The following ADGRL3 variants were observed in gnomAD, a reference collection of about 807,000 sequenced individuals.
ADGRL3 encodes the protein calcium-independent alpha-latrotoxin receptor 3.
In ADGRL3, 62 loss-of-function variants were observed where a neutral mutation model predicts 153.5. The ratio of observed to expected loss-of-function variants is 0.40; its 90% CI spans 0.33 to 0.50. ADGRL3 has a LOEUF of 0.50. Among genes scored for constraint, ADGRL3 ranks in the 20% least tolerant of loss-of-function variants. The pLI is 0.47. For missense variants in ADGRL3, 1,641 were observed against 1,859.4 expected, an observed-to-expected ratio of 0.88 and a Z score of 2.16; for synonymous variants, 710 against 672.5, an observed-to-expected ratio of 1.06 and a Z score of -0.86.
In ADGRL3 at chr4:61,410,670, C is replaced by T. The variant is rs180908276; in HGVS notation, c.-174+27481C>T. The stretch of plus-strand genomic sequence containing the variant: ...ACAGGTGATCTCCAAGTGATTCCAA[C>T]TTCTGTGCCTGGACATACTCAGTAT... On this transcript the variant is annotated intron_variant, in intron 2 of 26. Transcript: ENST00000683033. Among the ~76,000 whole-genome samples the T allele has an allele frequency of 5.7e-4, 87 of 152,308 alleles. 1 individual carries two copies. The highest frequency in any genetic ancestry group is 2.0e-3 in the African/African-American group (82 of 41,570).
At chr4:62,031,248 T>C (rs953920001) in intron 22 of ADGRL3, among the ~76,000 whole-genome samples, 194 bp from the exon 23 acceptor site, 3 of 151,624 alleles carry the variant, frequency 2.0e-5, no homozygotes, top group Non-Finnish European at 4.4e-5. Context: ...ACATTTTCAT[T>C]CATGTATATA....
In ADGRL3 at chr4:62,004,215, A is replaced by G. The variant is rs528457385; in HGVS notation, c.3395+5950A>G. Among the ~76,000 whole-genome samples, 21 of 152,176 alleles carry G rather than the reference A, an allele frequency of 1.4e-4. No homozygotes were observed. In the South Asian group the frequency reaches 3.3e-3, roughly 24 times the overall value. The stretch of plus-strand genomic sequence containing the variant: ...TAATGCTTTAATTTTTCAATTTCAC[A>G]TTAATATAATGTATATACTTATGAA... On this transcript the variant is annotated intron_variant, in intron 21 of 26. Transcript: ENST00000683033.
intron 4 of ADGRL3, among the ~76,000 whole-genome samples, chr4:61,524,728 T>C (rs1175124368): frequency 6.6e-6 from 1 of 152,116 alleles, no homozygotes; most frequent in Admixed American, 6.6e-5. Flanking sequence ...TGAGACCTAG[T>C]AAGTGTTCCC....
intron 4 of ADGRL3, among the ~76,000 whole-genome samples, chr4:61,523,792 C>CT (rs796706007): frequency 2.0e-5 from 3 of 152,042 alleles, no homozygotes; most frequent in African/African-American, 4.8e-5. Flanking sequence ...TAAGCTCAGT[C>CT]TTTTTTTCTA....
At chr4:61,953,491 A>G (rs1439117154) in intron 17 of ADGRL3, among the ~76,000 whole-genome samples, 2 of 152,210 alleles carry the variant, frequency 1.3e-5, no homozygotes, top group Non-Finnish European at 2.9e-5. Flanking sequence ...AACATCATAA[A>G]GATACTGACA....
intron 25 of ADGRL3, chr4:62,063,680 A>G: frequency 1.6e-6 from 1 of 620,596 alleles, no homozygotes; most frequent in South Asian, 1.9e-5. Context: ...GTCCCATTTT[A>G]TGTAGGTTTT....
chr4:61,664,667 C>A (rs2094720564), intron 5 of ADGRL3, among the ~76,000 whole-genome samples: 2 of 152,044 alleles, frequency 1.3e-5, no homozygotes, highest in Non-Finnish European at 2.9e-5. Flanking sequence ...CACTAAAATG[C>A]CTCATATCAT....
intron 6 of ADGRL3, among the ~76,000 whole-genome samples, chr4:61,710,451 T>C (rs534574085): frequency 6.6e-6 from 1 of 152,302 alleles, no homozygotes; most frequent in East Asian, 1.9e-4. Context: ...TCCATGTGCC[T>C]GCCAACCAGA....
intron 6 of ADGRL3, among the ~76,000 whole-genome samples, chr4:61,711,681 C>A (rs895014529): frequency 6.6e-6 from 1 of 151,198 alleles, no homozygotes; most frequent in Non-Finnish European, 1.5e-5. Context: ...AAAGAAAGTG[C>A]CATACAGAAA....
At chr4:61,433,365 TAAAA>T (rs373967837) in intron 2 of ADGRL3, among the ~76,000 whole-genome samples, 410 of 151,296 alleles carry the variant, frequency 2.7e-3, no homozygotes, top group Middle Eastern at 0.014. Flanking sequence ...GCTTTTTTTT[TAAAA>T]AAAAATCAGG....
intron 1 of ADGRL3, among the ~76,000 whole-genome samples, chr4:61,361,379 A>C (rs1213913972): frequency 6.6e-6 from 1 of 152,190 alleles, no homozygotes; most frequent in East Asian, 1.9e-4. Flanking sequence ...GACTGTAAAA[A>C]GCATCATTGA....
At chr4:61,558,624 C>CATCT (rs1045832482) in intron 4 of ADGRL3, among the ~76,000 whole-genome samples, 1 of 151,882 alleles carries the variant, frequency 6.6e-6, no homozygotes, top group African/African-American at 2.4e-5. Context: ...ATCAATCAAT[C>CATCT]ATCTATCTGT....
chr4:61,895,414 C>T (rs1169388101), intron 10 of ADGRL3, among the ~76,000 whole-genome samples: 1 of 151,606 alleles, frequency 6.6e-6, no homozygotes, highest in African/African-American at 2.4e-5. Context: ...TGCGGTGAGC[C>T]GAGATCTTGC....
chr4:61,289,596 C>G (rs1436247752), intron 1 of ADGRL3, among the ~76,000 whole-genome samples: 1 of 151,878 alleles, frequency 6.6e-6, no homozygotes, highest in Admixed American at 6.6e-5. Flanking sequence ...GTTTTTTTCT[C>G]TCTTACGCCA....
At chr4:61,822,178 T>C (rs370417451) in intron 9 of ADGRL3, among the ~76,000 whole-genome samples, 1 of 152,198 alleles carries the variant, frequency 6.6e-6, no homozygotes, top group Non-Finnish European at 1.5e-5. Flanking sequence ...AGTTCTTTGA[T>C]TGCATTAAAT....
At chr4:61,547,758 G>C (rs889401224) in intron 4 of ADGRL3, among the ~76,000 whole-genome samples, 3 of 151,912 alleles carry the variant, frequency 2.0e-5, no homozygotes, top group African/African-American at 7.3e-5. Context: ...ATATTCCTTT[G>C]GGTATATACC....
At chr4:61,435,347 A>G (rs982087591) in intron 2 of ADGRL3, among the ~76,000 whole-genome samples, 13 of 152,108 alleles carry the variant, frequency 8.5e-5, no homozygotes, top group Non-Finnish European at 1.9e-4. Flanking sequence ...AATAAATGAT[A>G]AAATAACAAA....
chr4:61,480,665 C>T (rs187690900), intron 2 of ADGRL3, among the ~76,000 whole-genome samples: 209 of 152,078 alleles, frequency 1.4e-3, no homozygotes, highest in African/African-American at 4.7e-3. Context: ...TGCCTATAAG[C>T]CCAGCTACTC....
rs1461104437 is a variant in ADGRL3, at chr4:61,222,057, T to C, written c.-240+20292T>C. On this transcript the variant is annotated intron_variant, in intron 1 of 26. Coordinates refer to ENST00000683033, the MANE Select transcript of ADGRL3 (RefSeq NM_001387552.1). ...ATTTCTTATTTTTATGAATTCTGTT[T>C]TTTTAATCCTTCTGGAAGCATTGAA... Among the ~76,000 whole-genome samples, 7 of 152,156 alleles carry C rather than the reference T, an allele frequency of 4.6e-5. 1 individual carries two copies.
Sources: allele counts gnomAD v4.1 joint callset (sites outside exome capture counted in the v4.1 genomes callset), GRCh38; gene constraint gnomAD v4.1.1; transcripts MANE v1.5; gene names NCBI Gene and HGNC (gene_info 2026-07-23, HGNC 2026-07-21).